PTRH1: variants seen among roughly 807,000 people sequenced by gnomAD.
PTRH1 encodes peptidyl-tRNA hydrolase.
In PTRH1, 13 loss-of-function variants were observed where a neutral mutation model predicts 15.7. The ratio of observed to expected loss-of-function variants is 0.83; its 90% CI spans 0.54 to 1.31. The LOEUF is 1.31. Among genes scored for constraint, PTRH1 ranks in the 40% most tolerant of loss-of-function variants. The pLI, the probability that PTRH1 is intolerant of heterozygous loss-of-function variation, is 0.00. For synonymous variants in PTRH1, 139 were observed against 136.7 expected (o/e 1.02, Z -0.12); for missense variants, 319 against 296.2 (o/e 1.08, Z -0.56).
chr9:127,714,801 C>T, intron 2 of PTRH1, 99 bp from the exon 3 acceptor site: 1 of 1,162,054 alleles, frequency 8.6e-7, no homozygotes, highest in Non-Finnish European at 1.3e-6. Flanking sequence ...TCCCACTTCA[C>T]ATATAAAGAA....
chr9:127,694,979 T>G (rs1437875905), exon 2 of PTRH1: 2 of 702,758 alleles, frequency 2.8e-6, no homozygotes, highest in East Asian at 5.4e-5. Flanking sequence ...CAGGTGACTT[T>G]GTTCCCTCCT....
At chr9:127,702,256 C>T (rs1012930987) in intron 1 of PTRH1, among the ~76,000 whole-genome samples, 2 of 151,648 alleles carry the variant, frequency 1.3e-5, no homozygotes, top group African/African-American at 2.4e-5. Flanking sequence ...GCCTGTAGTC[C>T]CAGCTACTCG....
At chr9:127,707,890 G>C (rs1680351523) in intron 1 of PTRH1, among the ~76,000 whole-genome samples, 1 of 152,228 alleles carries the variant, frequency 6.6e-6, no homozygotes, top group Admixed American at 6.5e-5. Flanking sequence ...GACTGATGCT[G>C]TGGGTGACCA....
At chr9:127,697,046 T>G (rs2131575228) in intron 1 of PTRH1, among the ~76,000 whole-genome samples, 1 of 152,242 alleles carries the variant, frequency 6.6e-6, no homozygotes, top group East Asian at 1.9e-4. Flanking sequence ...CCTGGGCCAG[T>G]GAGTTGTACC....
chr9:127,710,725 G>A (rs1378513360), downstream of PTRH1: 7 of 1,570,220 alleles, frequency 4.5e-6, no homozygotes, highest in Non-Finnish European at 6.1e-6. Context: ...CATACAACCT[G>A]GAGAAGAAGT....
At chr9:127,709,842 G>C, downstream of PTRH1, 3 of 974,574 alleles carry the variant, frequency 3.1e-6, no homozygotes, top group Non-Finnish European at 3.0e-6. The surrounding 1 kb of genome is among the most constrained non-coding windows in gnomAD (Gnocchi z 4.7). Context: ...TACGAAGCTG[G>C]AAACATCCCC....
intron 1 of PTRH1, chr9:127,707,341 C>A: frequency 1.3e-6 from 1 of 777,580 alleles, no homozygotes; most frequent in Non-Finnish European, 2.0e-6. Context: ...AGCCTCATTT[C>A]CTCATACGTA....
downstream of PTRH1, chr9:127,709,416 C>A (rs367704658): frequency 2.7e-4 from 428 of 1,612,304 alleles, no homozygotes; most frequent in Admixed American, 9.5e-4. The surrounding 1 kb of genome is among the most constrained non-coding windows in gnomAD (Gnocchi z 4.7). Flanking sequence ...TCTGCCCCTG[C>A]CCCAGGTACC....
In PTRH1 at chr9:127,714,248, G is replaced by A. The variant is rs367619523; in HGVS notation, c.497C>T (p.Pro166Leu). 3.9e-5 allele frequency: 63 copies of A among 1,613,836 alleles called. No homozygotes were observed. The highest frequency in any genetic ancestry group is 3.2e-4 in the African/African-American group (24 of 74,942). ...MPRLRVGIGR[P>L]AHPEAVQAHV... Reference sequence around the variant, plus strand: ...GGCCTGAACCGCCTCAGGGTGCGCCGGGCGCCCGATACCCACCCGCAGCCT... The same window carrying A: ...GGCCTGAACCGCCTCAGGGTGCGCCAGGCGCCCGATACCCACCCGCAGCCT... Residue 166 changes from proline (P) to leucine (L), a missense_variant, in exon 5 of 5, where the codon CCG (proline) becomes CTG (leucine). Transcript: ENST00000543175.
At chr9:127,709,536 C>T (rs765282115), downstream of PTRH1, 2 of 1,614,140 alleles carry the variant, frequency 1.2e-6, no homozygotes, top group Non-Finnish European at 1.7e-6. The surrounding 1 kb of genome is among the most constrained non-coding windows in gnomAD (Gnocchi z 4.7). Flanking sequence ...GCACGCTCAA[C>T]CAGCAGGTGG....
chr9:127,704,553 C>T (rs6478793), intron 1 of PTRH1, among the ~76,000 whole-genome samples: 7,951 of 151,542 alleles, frequency 0.052, 734 homozygotes, highest in African/African-American at 0.18. Flanking sequence ...ATGTAAAAGC[C>T]GTTGGAACCC....
downstream of PTRH1, chr9:127,709,652 A>G (rs750685095): frequency 2.5e-6 from 4 of 1,613,770 alleles, no homozygotes; most frequent in Admixed American, 5.0e-5. This position sits in a 1 kb window ranked among gnomAD's most constrained non-coding sequence, Gnocchi z 4.7. Context: ...CACGAGTTCC[A>G]GGAGACCAAG....
At chr9:127,707,194 T>C (rs772614407) in intron 1 of PTRH1, 2 of 1,609,786 alleles carry the variant, frequency 1.2e-6, no homozygotes, top group Non-Finnish European at 8.5e-7. Context: ...GCTAGCCCGG[T>C]GCGTGGGCTG....
chr9:127,714,458 C>T (rs765125498), intron 3 of PTRH1, 34 bp from the exon 4 acceptor site: 7 of 1,613,440 alleles, frequency 4.3e-6, no homozygotes, highest in Non-Finnish European at 5.9e-6. Context: ...GTTAGTGCCT[C>T]CCTGGGGCAG....
intron 1 of PTRH1, chr9:127,695,295 A>G (rs1035817529): frequency 1.7e-6 from 1 of 589,854 alleles, no homozygotes; most frequent in South Asian, 2.2e-5. Flanking sequence ...AATAGATCTC[A>G]GACACTTAAC....
Position 127,714,443 on chromosome 9 carries a change from G to A in PTRH1, c.417-19C>T. On this transcript the variant is annotated intron_variant, in intron 3 of 4. Coordinates refer to ENST00000543175, the MANE Select transcript of PTRH1 (RefSeq NM_001002913.3). Reference sequence around the variant, plus strand: ...GTGGCCCCTTCAAGGGATATGGGAGGGGCAGTTAGTGCCTCCCTGGGGCAG... The same window carrying A: ...GTGGCCCCTTCAAGGGATATGGGAGAGGCAGTTAGTGCCTCCCTGGGGCAG... 6.2e-7 allele frequency: 1 copy of A among 1,614,062 alleles called. No individual in the cohort carries two copies. Among genetic ancestry groups the A allele is most frequent in the Non-Finnish European group, 8.5e-7 (1 of 1,179,942 alleles).
chr9:127,712,364 G>A (rs1227408908), downstream of PTRH1: 1 of 1,613,068 alleles, frequency 6.2e-7, no homozygotes, highest in Non-Finnish European at 8.5e-7. Flanking sequence ...GCAGAAGGGA[G>A]AGAGGGAGGG....
intron 1 of PTRH1, among the ~76,000 whole-genome samples, chr9:127,706,045 A>C (rs935731978): frequency 1.3e-5 from 2 of 152,258 alleles, no homozygotes; most frequent in African/African-American, 4.8e-5. Flanking sequence ...AAGTGCCCCC[A>C]GCATCCCTGG....
chr9:127,695,089 A>ATGG (rs919875954), exon 2 of PTRH1: 3 of 700,994 alleles, frequency 4.3e-6, no homozygotes, highest in Non-Finnish European at 2.6e-6. Flanking sequence ...GATGATGATG[A>ATGG]TGATGGTGAT....
Sources: allele counts gnomAD v4.1 joint callset (sites outside exome capture counted in the v4.1 genomes callset), GRCh38; gene constraint gnomAD v4.1.1; non-coding constraint Gnocchi (gnomAD v3.1); transcripts MANE v1.5; gene names NCBI Gene and HGNC (gene_info 2026-07-23, HGNC 2026-07-21).